The following ZMYND11 variants were observed in gnomAD, a reference collection of about 807,000 sequenced individuals.
The protein encoded by ZMYND11 is zinc finger MYND-type containing 11.
ZMYND11 carries 9 observed loss-of-function variants against 84.9 expected under a neutral mutation model. That is an observed-to-expected ratio of 0.11 (90% CI 0.06 to 0.18). ZMYND11 has a LOEUF of 0.18. Among genes scored for constraint, ZMYND11 ranks in the 10% least tolerant of loss-of-function variants. The pLI, the probability that ZMYND11 is intolerant of heterozygous loss-of-function variation, is 1.00. For synonymous variants in ZMYND11, 250 were observed against 244.1 expected (o/e 1.02, Z -0.23); for missense variants, 409 against 761.0 (o/e 0.54, Z 5.44).
At chr10:191,065 A>G (rs181389529) in intron 2 of ZMYND11, among the ~76,000 whole-genome samples, 1 of 152,340 alleles carries the variant, frequency 6.6e-6, no homozygotes, top group East Asian at 1.9e-4. Flanking sequence ...TCAGCTGTGT[A>G]AACTGTAGAA....
At chr10:239,992 T>G (rs1376043373) in intron 7 of ZMYND11, 64 bp from the exon 8 acceptor site, 1 of 1,393,826 alleles carries the variant, frequency 7.2e-7, no homozygotes, top group Non-Finnish European at 9.9e-7. Flanking sequence ...AAGAAAAGGA[T>G]AGTAACTTTG....
intron 2 of ZMYND11, among the ~76,000 whole-genome samples, chr10:191,154 TA>T (rs1267805367): frequency 6.6e-6 from 1 of 152,200 alleles, no homozygotes; most frequent in Non-Finnish European, 1.5e-5. Context: ...TTTATATAAT[TA>T]TTTAATTTTC....
At chr10:217,203 A>C (rs1255768344) in intron 3 of ZMYND11, among the ~76,000 whole-genome samples, 1 of 152,152 alleles carries the variant, frequency 6.6e-6, no homozygotes, top group Admixed American at 6.5e-5. Context: ...TTTGGTCTCT[A>C]AGTCAGAGTT....
chr10:231,783 C>A (rs905888963), intron 4 of ZMYND11, among the ~76,000 whole-genome samples: 1 of 152,140 alleles, frequency 6.6e-6, no homozygotes. Context: ...TTATTTTTTT[C>A]TTAAAGGAGG....
chr10:236,788 A>G, intron 4 of ZMYND11, 50 bp from the exon 5 acceptor site: 1 of 1,495,568 alleles, frequency 6.7e-7, no homozygotes, highest in Non-Finnish European at 9.2e-7. Flanking sequence ...GAATATAGAC[A>G]TAAGAATGAT....
intron 1 of ZMYND11, among the ~76,000 whole-genome samples, chr10:139,658 A>G (rs1252068019): frequency 1.3e-5 from 2 of 151,554 alleles, no homozygotes; most frequent in Admixed American, 6.6e-5. Flanking sequence ...GCCACTGTGC[A>G]AAGTTACTTA....
At chr10:198,123 A>G (rs1187304804) in intron 2 of ZMYND11, 5 of 380,266 alleles carry the variant, frequency 1.3e-5, no homozygotes, top group Admixed American at 4.6e-5. Context: ...GAGATTTTAA[A>G]TTAAAAATAT....
intron 14 of ZMYND11, among the ~76,000 whole-genome samples, chr10:251,375 T>C (rs1953458458): frequency 6.6e-6 from 1 of 152,158 alleles, no homozygotes; most frequent in Non-Finnish European, 1.5e-5. Flanking sequence ...CTAATGGGGA[T>C]TTTTCTGAAG....
intron 2 of ZMYND11, among the ~76,000 whole-genome samples, chr10:197,401 G>A (rs991268656): frequency 6.6e-6 from 1 of 152,180 alleles, no homozygotes; most frequent in Non-Finnish European, 1.5e-5. Context: ...CAGAATAGAA[G>A]AAGGTTATAT....
intron 2 of ZMYND11, among the ~76,000 whole-genome samples, chr10:201,323 T>C (rs2131103385): frequency 6.6e-6 from 1 of 152,322 alleles, no homozygotes; most frequent in South Asian, 2.1e-4. Context: ...TCACAGGCAT[T>C]TGTTATGTTT....
intron 6 of ZMYND11, among the ~76,000 whole-genome samples, chr10:239,122 G>A (rs7896746): frequency 0.64 from 97,673 of 151,666 alleles, 31,633 homozygotes; most frequent in East Asian, 0.83. Flanking sequence ...AAGCATTCGT[G>A]CACTACCAAG....
intron 1 of ZMYND11, among the ~76,000 whole-genome samples, chr10:136,067 C>T (rs934469692): frequency 6.6e-6 from 1 of 151,922 alleles, no homozygotes; most frequent in African/African-American, 2.4e-5. Context: ...GCAGGGCTGG[C>T]CCCGAGGCCC....
chr10:145,604 T>C (rs1446163927), intron 1 of ZMYND11, among the ~76,000 whole-genome samples: 2 of 152,222 alleles, frequency 1.3e-5, no homozygotes, highest in African/African-American at 4.8e-5. Context: ...GGGGGTAAGG[T>C]GGTACCTCAC....
At chr10:172,021 C>G (rs1554765821) in intron 1 of ZMYND11, among the ~76,000 whole-genome samples, 1 of 152,206 alleles carries the variant, frequency 6.6e-6, no homozygotes, top group Non-Finnish European at 1.5e-5. Context: ...AAGGGTTACT[C>G]TGCTTCCAAG....
At chr10:226,791 T>C (rs996593495) in intron 4 of ZMYND11, among the ~76,000 whole-genome samples, 1 of 152,226 alleles carries the variant, frequency 6.6e-6, no homozygotes, top group Non-Finnish European at 1.5e-5. Flanking sequence ...CTTGATAATA[T>C]TAAAATTTTA....
intron 1 of ZMYND11, among the ~76,000 whole-genome samples, chr10:171,141 G>T (rs79079369): frequency 0.12 from 18,120 of 152,026 alleles, 1,427 homozygotes; most frequent in South Asian, 0.27. Flanking sequence ...TAATGTGTAC[G>T]CACCTAACAA....
chr10:201,822 G>A (rs544160647), intron 2 of ZMYND11, among the ~76,000 whole-genome samples: 84 of 152,126 alleles, frequency 5.5e-4, no homozygotes, highest in African/African-American at 2.0e-3. Context: ...AAAGTTCAGA[G>A]AAATTGAATG....
At chr10:246,999 C>CCT (rs767489566) in intron 11 of ZMYND11, 26 bp downstream of exon 11, 67 of 1,562,530 alleles carry the variant, frequency 4.3e-5, no homozygotes, top group Non-Finnish European at 5.5e-5. Flanking sequence ...GAAGGAAGTG[C>CCT]CTATTCATTA....
At chr10:242,566 C>T (rs1367483373) in intron 10 of ZMYND11, among the ~76,000 whole-genome samples, 1 of 152,060 alleles carries the variant, frequency 6.6e-6, no homozygotes, top group Non-Finnish European at 1.5e-5. Flanking sequence ...ATACCTGAAG[C>T]GTGCGTGGAA....
Sources: allele counts gnomAD v4.1 joint callset (sites outside exome capture counted in the v4.1 genomes callset), GRCh38; gene constraint gnomAD v4.1.1; transcripts MANE v1.5; gene names NCBI Gene and HGNC (gene_info 2026-07-23, HGNC 2026-07-21).